Variants in NUBPL observed in about 807,000 individuals in gnomAD.
NUBPL encodes NUBP iron-sulfur cluster assembly factor, mitochondrial.
NUBPL carries 31 observed loss-of-function variants against 45.7 expected under a neutral mutation model. The observed-to-expected ratio is 0.68, with a 90% CI of 0.51 to 0.92. The LOEUF is 0.92. Among genes scored for constraint, NUBPL ranks in the 40% least tolerant of loss-of-function variants. The pLI is 0.00. For synonymous variants in NUBPL, 144 were observed against 140.9 expected, an observed-to-expected ratio of 1.02 and a Z score of -0.15; for missense variants, 401 against 398.7, an observed-to-expected ratio of 1.01 and a Z score of -0.05.
chr14:31,622,533 C>A (rs186150736), intron 4 of NUBPL, among the ~76,000 whole-genome samples: 1 of 152,196 alleles, frequency 6.6e-6, no homozygotes, highest in Admixed American at 6.5e-5. Flanking sequence ...GTTTTATGAT[C>A]CAGGCCCAGG....
intron 4 of NUBPL, among the ~76,000 whole-genome samples, chr14:31,613,757 A>G (rs2034824638): frequency 6.6e-6 from 1 of 151,802 alleles, no homozygotes; most frequent in Non-Finnish European, 1.5e-5. Flanking sequence ...CGCCCGGCCT[A>G]ATTGGATTGT....
At chr14:31,698,138 T>G (rs978616758) in intron 6 of NUBPL, among the ~76,000 whole-genome samples, 9 of 152,244 alleles carry the variant, frequency 5.9e-5, no homozygotes, top group Admixed American at 2.0e-4. Context: ...GAGAGTATTT[T>G]ATAATCAGTA....
chr14:31,766,681 T>A (rs775557523), intron 6 of NUBPL, among the ~76,000 whole-genome samples: 102 of 152,310 alleles, frequency 6.7e-4, no homozygotes, highest in Non-Finnish European at 1.3e-3. Context: ...CTCTCACAAC[T>A]GTAAAGTCTC....
At chr14:31,733,267 C>T (rs192993819) in intron 6 of NUBPL, among the ~76,000 whole-genome samples, 29 of 152,220 alleles carry the variant, frequency 1.9e-4, no homozygotes, top group Non-Finnish European at 3.4e-4. Flanking sequence ...CCTCATACTA[C>T]GTGTTCTTGA....
chr14:31,673,224 T>TTA (rs2036614873), intron 4 of NUBPL, 131 bp from the exon 5 acceptor site: 2 of 697,230 alleles, frequency 2.9e-6, no homozygotes, highest in South Asian at 3.6e-5. Context: ...TAACATTACG[T>TTA]TGTACCCCGT....
chr14:31,858,911 C>T (rs565075550), intron 10 of NUBPL, among the ~76,000 whole-genome samples: 20 of 152,208 alleles, frequency 1.3e-4, no homozygotes, highest in African/African-American at 4.8e-4. Flanking sequence ...AGTCACCTTC[C>T]AAATAATTAC....
intron 3 of NUBPL, among the ~76,000 whole-genome samples, chr14:31,590,879 T>C (rs2034123790): frequency 6.6e-6 from 1 of 152,132 alleles, no homozygotes; most frequent in African/African-American, 2.4e-5. Context: ...TTTTATTTTA[T>C]TTTTTTAAAA....
intron 4 of NUBPL, among the ~76,000 whole-genome samples, chr14:31,665,263 A>G (rs1432058801): frequency 6.6e-6 from 1 of 151,984 alleles, no homozygotes; most frequent in East Asian, 1.9e-4. Context: ...GTCTTCTGCT[A>G]GCTTTTGAAT....
chr14:31,639,915 C>A (rs765401607), intron 4 of NUBPL, among the ~76,000 whole-genome samples: 2 of 152,088 alleles, frequency 1.3e-5, no homozygotes, highest in African/African-American at 2.4e-5. Flanking sequence ...TCTCCTGATG[C>A]GCCGTTTTTT....
intron 10 of NUBPL, among the ~76,000 whole-genome samples, 166 bp downstream of exon 10, chr14:31,850,367 G>A (rs909906128): frequency 2.6e-5 from 4 of 152,142 alleles, no homozygotes; most frequent in Admixed American, 1.3e-4. Context: ...TGTACAGTAA[G>A]CTTCCAGTGC....
intron 4 of NUBPL, among the ~76,000 whole-genome samples, chr14:31,639,117 C>T (rs1236149466): frequency 6.6e-6 from 1 of 152,176 alleles, no homozygotes; most frequent in East Asian, 1.9e-4. Flanking sequence ...AGCTTTGTTC[C>T]ATTGCTGGTG....
At chr14:31,758,627 T>C (rs1215979695) in intron 6 of NUBPL, among the ~76,000 whole-genome samples, 1 of 152,110 alleles carries the variant, frequency 6.6e-6, no homozygotes, top group East Asian at 1.9e-4. Context: ...TTAATAATTA[T>C]GAAATATTTT....
rs770839513 is a variant in NUBPL, at chr14:31,859,152, TAAG to T, written c.937_939del (p.Arg313del). 7 of 1,613,954 alleles carry T rather than the reference TAAG, an allele frequency of 4.3e-6. No homozygotes were observed. The highest frequency in any genetic ancestry group is 1.7e-5 in the Admixed American group (1 of 60,020). On this transcript the variant is annotated inframe_deletion, in exon 11 of 11. Coordinates refer to ENST00000281081, the MANE Select transcript of NUBPL (RefSeq NM_025152.3). ...TACTTGAGGATTGCTGTGGAAGTGGTAAGAAGATTGCCATCACCTTCAGAATGA... is the reference window on the plus strand; with the variant it reads ...TACTTGAGGATTGCTGTGGAAGTGGTAAGATTGCCATCACCTTCAGAATGA...
At chr14:31,627,879 T>A (rs1328780962) in intron 4 of NUBPL, among the ~76,000 whole-genome samples, 1 of 152,158 alleles carries the variant, frequency 6.6e-6, no homozygotes, top group African/African-American at 2.4e-5. Flanking sequence ...AGTTATTAAT[T>A]CATTAAAATT....
intron 6 of NUBPL, among the ~76,000 whole-genome samples, chr14:31,711,618 C>A (rs142959943): frequency 0.09 from 13,744 of 152,044 alleles, 773 homozygotes; most frequent in African/African-American, 0.16. Flanking sequence ...GTGAGTGTTA[C>A]GGTTCTTAAA....
At chr14:31,810,421 C>A (rs2039778336) in intron 7 of NUBPL, among the ~76,000 whole-genome samples, 1 of 152,112 alleles carries the variant, frequency 6.6e-6, no homozygotes. Flanking sequence ...TCTGTTTTAT[C>A]AGAGTCTAGG....
At chr14:31,700,944 G>A (rs116189099) in intron 6 of NUBPL, among the ~76,000 whole-genome samples, 8,443 of 152,246 alleles carry the variant, frequency 0.055, 670 homozygotes, top group African/African-American at 0.18. Flanking sequence ...GGTGCGCGGC[G>A]CGGGACTGGC....
rs1238803691 is a variant in NUBPL at position 31,663,022 on chromosome 14, T to G, written c.383-10333T>G. 3.3e-5 allele frequency among the ~76,000 whole-genome samples: 5 copies of G among 152,368 alleles called. No homozygotes were observed. The East Asian group carries it at 7.7e-4, about 23-fold the overall frequency. The stretch of plus-strand genomic sequence containing the variant: ...GATGAGCATTTTTTCATATATTTGT[T>G]GGCTACATAAATATCTTCTTTTGAG... On this transcript the variant is annotated intron_variant, in intron 4 of 10. Transcript: ENST00000281081.
At chr14:31,589,618 C>T (rs1343027270) in intron 3 of NUBPL, among the ~76,000 whole-genome samples, 5 of 151,954 alleles carry the variant, frequency 3.3e-5, no homozygotes, top group Admixed American at 3.3e-4. Flanking sequence ...CTCCTAAAGC[C>T]AATCTTCTAT....
Sources: gnomAD v4.1 joint callset for allele counts (sites outside exome capture counted in the v4.1 genomes callset) on GRCh38, gnomAD v4.1.1 for gene constraint, MANE v1.5 for transcripts, NCBI Gene and HGNC (gene_info 2026-07-23, HGNC 2026-07-21) for gene names.